The following PREX2 variants were observed in gnomAD, a reference collection of about 807,000 sequenced individuals.
The protein encoded by PREX2 is phosphatidylinositol 3,4,5-trisphosphate-dependent Rac exchanger 2 protein.
In PREX2, 107 loss-of-function variants were observed where a neutral mutation model predicts 203.2. The ratio of observed to expected loss-of-function variants is 0.53; its 90% CI spans 0.45 to 0.62. The LOEUF (loss-of-function observed/expected upper bound fraction) is 0.62. Among genes scored for constraint, PREX2 ranks in the 20% least tolerant of loss-of-function variants. PREX2 has a pLI of 0.00. For synonymous variants in PREX2, 672 were observed against 663.6 expected (o/e 1.01, Z -0.19); for missense variants, 1,777 against 1,955.9 (o/e 0.91, Z 1.72).
At chr8:67,998,674 G>C (rs529517107) in intron 1 of PREX2, among the ~76,000 whole-genome samples, 1 of 152,212 alleles carries the variant, frequency 6.6e-6, no homozygotes, top group Non-Finnish European at 1.5e-5. Flanking sequence ...TGGTGACGAG[G>C]TGGGAGGGTT....
At chr8:67,997,613 T>C (rs1223641492) in intron 1 of PREX2, among the ~76,000 whole-genome samples, 18 of 152,178 alleles carry the variant, frequency 1.2e-4, no homozygotes, top group Admixed American at 1.2e-3. Context: ...TGTTTTTCTC[T>C]ATAAAATTTA....
chr8:68,227,562 T>G (rs1813078071), intron 39 of PREX2, among the ~76,000 whole-genome samples: 1 of 152,118 alleles, frequency 6.6e-6, no homozygotes, highest in Admixed American at 6.5e-5. Context: ...GTCTTCGATA[T>G]TTAGGAGGTA....
intron 31 of PREX2, among the ~76,000 whole-genome samples, chr8:68,129,787 T>C (rs912726733): frequency 4.6e-5 from 7 of 151,832 alleles, no homozygotes; most frequent in African/African-American, 1.7e-4. Context: ...CTTTGATAGG[T>C]ACAAAAACCA....
At chr8:68,113,596 C>T (rs993551971) in intron 25 of PREX2, among the ~76,000 whole-genome samples, 1 of 152,220 alleles carries the variant, frequency 6.6e-6, no homozygotes, top group Non-Finnish European at 1.5e-5. Flanking sequence ...AGCAATGTAA[C>T]ATAGCTCCTT....
chr8:68,211,832 A>C (rs1313568147), intron 37 of PREX2, among the ~76,000 whole-genome samples: 1 of 152,180 alleles, frequency 6.6e-6, no homozygotes, highest in African/African-American at 2.4e-5. Flanking sequence ...ATACTGGGAC[A>C]AGGAAGTGGA....
rs1219279832 is a variant in PREX2, at chr8:68,204,728, A to G, written c.4604+12203A>G. Among the ~76,000 whole-genome samples, 14 of 116,652 alleles carry G rather than the reference A, an allele frequency of 1.2e-4. No homozygotes were observed. The Admixed American group carries it at 1.3e-3, about 11-fold the overall frequency. 76.5% of individuals were successfully genotyped at this position (116,652 alleles called of 152,430 possible). On this transcript the variant is annotated intron_variant, in intron 37 of 39. Coordinates refer to ENST00000288368, the MANE Select transcript of PREX2 (RefSeq NM_024870.4). ...GAGACACAGTCTAGCTCTGTTGCCC[A>G]GGCTAGAGTGCAATGGCGTGATCTC...
At chr8:68,023,454 C>A (rs938143368) in intron 4 of PREX2, among the ~76,000 whole-genome samples, 1 of 152,022 alleles carries the variant, frequency 6.6e-6, no homozygotes, top group Non-Finnish European at 1.5e-5. Context: ...AAATCTTTTA[C>A]CCATTTAAAA....
chr8:68,027,070 TGTGA>T (rs1807740818), intron 4 of PREX2, 148 bp from the exon 5 acceptor site: 3 of 647,916 alleles, frequency 4.6e-6, no homozygotes, highest in Non-Finnish European at 8.2e-6. Flanking sequence ...TTTGTCTCTC[TGTGA>T]GTGTTTGTGA....
chr8:68,228,146 A>G (rs765751467), intron 39 of PREX2, among the ~76,000 whole-genome samples: 9 of 152,222 alleles, frequency 5.9e-5, no homozygotes, highest in Non-Finnish European at 1.0e-4. Flanking sequence ...CTTCAGGGCA[A>G]TAAGCCCCTC....
chr8:68,067,137 T>C (rs1269577814), intron 11 of PREX2, among the ~76,000 whole-genome samples: 1 of 152,100 alleles, frequency 6.6e-6, no homozygotes, highest in Admixed American at 6.6e-5. Context: ...TGTAGTAGAG[T>C]CTGAAGTCAG....
intron 35 of PREX2, among the ~76,000 whole-genome samples, chr8:68,180,270 C>T (rs1486180631): frequency 6.6e-6 from 1 of 152,078 alleles, no homozygotes; most frequent in Non-Finnish European, 1.5e-5. Flanking sequence ...TGTGTTTTTC[C>T]AGCACTCTGC....
At chr8:68,172,058 T>C (rs528425340) in intron 35 of PREX2, among the ~76,000 whole-genome samples, 1 of 152,344 alleles carries the variant, frequency 6.6e-6, no homozygotes, top group East Asian at 1.9e-4. Flanking sequence ...TATTTTGCTT[T>C]CTTTAGGACT....
intron 3 of PREX2, among the ~76,000 whole-genome samples, chr8:68,020,028 A>G (rs1807522223): frequency 6.6e-6 from 1 of 152,190 alleles, no homozygotes; most frequent in Admixed American, 6.5e-5. Flanking sequence ...TCATTCCTAT[A>G]ATGGCACGAT....
intron 7 of PREX2, among the ~76,000 whole-genome samples, chr8:68,043,562 A>G (rs1438381070): frequency 2.6e-5 from 4 of 152,102 alleles, no homozygotes; most frequent in Non-Finnish European, 5.9e-5. Flanking sequence ...ACATAACACA[A>G]CACATTAATC....
intron 1 of PREX2, among the ~76,000 whole-genome samples, chr8:68,006,890 A>C (rs1295223353): frequency 6.6e-6 from 1 of 152,158 alleles, no homozygotes; most frequent in African/African-American, 2.4e-5. Context: ...ATGTAACAAA[A>C]CTCATAGACA....
intron 32 of PREX2, among the ~76,000 whole-genome samples, chr8:68,136,997 C>T (rs543882692): frequency 6.6e-6 from 1 of 151,976 alleles, no homozygotes; most frequent in South Asian, 2.1e-4. Flanking sequence ...CCTCTGGCTC[C>T]CAGGTTCAAG....
intron 35 of PREX2, among the ~76,000 whole-genome samples, chr8:68,182,039 G>A (rs71515093): frequency 0.14 from 21,211 of 152,026 alleles, 1,714 homozygotes; most frequent in East Asian, 0.21. Context: ...GAGTGAGGAG[G>A]TGATGTGGAA....
At chr8:68,188,394 G>A (rs996756316) in intron 35 of PREX2, among the ~76,000 whole-genome samples, 1 of 152,142 alleles carries the variant, frequency 6.6e-6, no homozygotes, top group African/African-American at 2.4e-5. Flanking sequence ...AAACCTAGCA[G>A]TAAGAAAGAC....
chr8:68,095,651 CAG>C (rs545471030), intron 21 of PREX2, among the ~76,000 whole-genome samples: 797 of 73,066 alleles, frequency 0.011, 7 homozygotes, highest in Non-Finnish European at 0.018. Flanking sequence ...TTTTTTTTTT[CAG>C]AGTCTTTCTT....
Sources: allele counts gnomAD v4.1 joint callset (sites outside exome capture counted in the v4.1 genomes callset), GRCh38; gene constraint gnomAD v4.1.1; transcripts MANE v1.5; gene names NCBI Gene and HGNC (gene_info 2026-07-23, HGNC 2026-07-21).